Variants in GNL3L observed in about 807,000 individuals in gnomAD.
GNL3L encodes G protein nucleolar 3 like, also known as guanine nucleotide-binding protein-like 3-like protein.
Under a neutral mutation model 42.9 loss-of-function variants are expected in GNL3L, and 4 were observed. That is an observed-to-expected ratio of 0.09 (90% CI 0.05 to 0.21). The LOEUF (loss-of-function observed/expected upper bound fraction) is 0.21, where lower values mean the gene tolerates loss of function less well. Among genes scored for constraint, GNL3L ranks in the 10% least tolerant of loss-of-function variants. The pLI, the probability that GNL3L is intolerant of heterozygous loss-of-function variation, is 1.00. For missense variants in GNL3L, 412 were observed against 481.7 expected (o/e 0.86, Z 1.36); for synonymous variants, 159 against 176.3 (o/e 0.90, Z 0.78).
intron 16 of GNL3L, among the ~76,000 whole-genome samples, chrX:54,583,189 T>A (rs1186611248): frequency 2.7e-5 from 3 of 110,937 alleles, no homozygotes; most frequent in East Asian, 2.8e-4. Flanking sequence ...TATTTATTTA[T>A]TTTATTTATT....
At chrX:54,589,962 CAG>C (rs1303263222) in intron 16 of GNL3L, among the ~76,000 whole-genome samples, 2 of 108,676 alleles carry the variant, frequency 1.8e-5, no homozygotes, top group African/African-American at 6.7e-5. Flanking sequence ...TTTTTTGAGA[CAG>C]AGTCTTGCTC....
chrX:54,588,807 T>A (rs1016237188), intron 16 of GNL3L, among the ~76,000 whole-genome samples: 1 of 111,187 alleles, frequency 9.0e-6, no homozygotes, highest in Non-Finnish European at 1.9e-5. Flanking sequence ...AAATAAAAAA[T>A]AAAAAAAAGT....
chrX:54,583,459 G>T (rs1925742922), intron 16 of GNL3L, among the ~76,000 whole-genome samples: 1 of 110,988 alleles, frequency 9.0e-6, no homozygotes, highest in African/African-American at 3.3e-5. Context: ...CTCCTAAAGT[G>T]CTGGGATTAC....
At chrX:54,607,012 CTT>C (rs10588018) in intron 16 of GNL3L, among the ~76,000 whole-genome samples, 1,048 of 37,258 alleles carry the variant, frequency 0.028, 33 homozygotes, top group African/African-American at 0.15. Context: ...TTCTTTCTTT[CTT>C]TCTTTCTTTC....
intron 16 of GNL3L, among the ~76,000 whole-genome samples, chrX:54,600,246 G>C: frequency 2.8e-5 from 1 of 35,911 alleles, no homozygotes; most frequent in Admixed American, 4.2e-4. Context: ...TTTTTTTTAA[G>C]ACGGAGTTTT....
At chrX:54,580,241 A>G (rs1317043863) in intron 16 of GNL3L, among the ~76,000 whole-genome samples, 2 of 98,312 alleles carry the variant, frequency 2.0e-5, no homozygotes, top group African/African-American at 3.8e-5. Context: ...GAGTGAGAAC[A>G]TGCGGTGTTT....
chrX:54,598,991 A>T (rs1925970363), intron 16 of GNL3L, among the ~76,000 whole-genome samples: 1 of 112,065 alleles, frequency 8.9e-6, no homozygotes, highest in African/African-American at 3.2e-5. Flanking sequence ...AATGATAGGC[A>T]CCAAACCAGA....
Position 54,536,346 on chromosome X carries a change from G to A in GNL3L, c.20-2694G>A, listed in dbSNP as rs747067850. ...CCCGCCTTGGCCTCCCAAAGTGCAG[G>A]GATTATAGCTGTGAGCCATCGCTCC... On this transcript the variant is annotated intron_variant, in intron 2 of 15. Coordinates refer to ENST00000360845, the MANE Select transcript of GNL3L (RefSeq NM_001184819.2). 7.2e-5 allele frequency among the ~76,000 whole-genome samples: 8 copies of A among 110,544 alleles called. No homozygotes were observed. In the South Asian group the frequency reaches 1.9e-3, roughly 26 times the overall value.
At position 54,544,342 on chromosome X, in the gene GNL3L, G is replaced by C. The variant is rs375063176; in HGVS notation, c.630+16G>C. On this transcript the variant is annotated intron_variant, in intron 8 of 15. Transcript: ENST00000360845. The stretch of plus-strand genomic sequence containing the variant: ...CAAAAACCTGGTAAGCCTGGGGCTA[G>C]GGTCATCTAGCCGCTTTCAGGGTAG... 110 of 928,995 alleles carry C rather than the reference G, an allele frequency of 1.2e-4. No homozygotes were observed. The highest frequency in any genetic ancestry group is 1.7e-4 in the Non-Finnish European group (109 of 644,078). The allele number at this position is 928,995 out of a possible 1,213,427, so 76.6% of individuals were successfully genotyped here.
chrX:54,607,010 T>TTC (rs1491045527), intron 16 of GNL3L, among the ~76,000 whole-genome samples: 88 of 31,066 alleles, frequency 2.8e-3, no homozygotes, highest in East Asian at 0.023. Flanking sequence ...CTTTCTTTCT[T>TTC]TCTTTCTTTC....
intron 2 of GNL3L, among the ~76,000 whole-genome samples, chrX:54,534,240 T>C (rs1924355262): frequency 9.2e-6 from 1 of 108,132 alleles, no homozygotes; most frequent in Non-Finnish European, 1.9e-5. Context: ...CTGGTGAGTC[T>C]GGAGGGCTAC....
the GNL3L span, among the ~76,000 whole-genome samples, chrX:54,636,588 A>C: frequency 9.1e-6 from 1 of 109,497 alleles, no homozygotes; most frequent in Admixed American, 9.8e-5. Context: ...ATGTGTACTC[A>C]ATGTTTAGCT....
At chrX:54,596,001 A>G (rs771762102) in intron 16 of GNL3L, among the ~76,000 whole-genome samples, 5 of 112,088 alleles carry the variant, frequency 4.5e-5, no homozygotes, top group Non-Finnish European at 9.4e-5. Context: ...GAGGGGTCTG[A>G]TATCCAGCAT....
intron 2 of GNL3L, among the ~76,000 whole-genome samples, chrX:54,536,755 A>C (rs1435423867): frequency 1.1e-5 from 1 of 93,454 alleles, no homozygotes; most frequent in Admixed American, 1.2e-4. Flanking sequence ...ACTGCACTCC[A>C]GCCTGGGCAA....
In GNL3L at chrX:54,563,581, C is replaced by G. The variant is rs760440039; in HGVS notation, c.*2979C>G. Reference sequence around the variant, plus strand: ...GGCGGATCACTTGAGGTCAGGAGTTCAAGACCAGCCTAAACAATATGGCGA... The same window carrying G: ...GGCGGATCACTTGAGGTCAGGAGTTGAAGACCAGCCTAAACAATATGGCGA... On this transcript the variant is annotated 3_prime_UTR_variant, in exon 16 of 16. Coordinates refer to ENST00000360845, the MANE Select transcript of GNL3L (RefSeq NM_001184819.2). 7.8e-4 allele frequency among the ~76,000 whole-genome samples: 86 copies of G among 110,945 alleles called. No homozygotes were observed. Among genetic ancestry groups the G allele is most frequent in the Admixed American group, 3.5e-3 (36 of 10,328 alleles).
chrX:54,568,714 C>T (rs1164438039), downstream of GNL3L, among the ~76,000 whole-genome samples: 13 of 111,206 alleles, frequency 1.2e-4, no homozygotes, highest in Admixed American at 6.7e-4. Flanking sequence ...CCACCATGCC[C>T]GGCTAATGTT....
At position 54,564,514 on chromosome X, in the gene GNL3L, T is replaced by A. The variant is rs1489242812; in HGVS notation, c.*3912T>A. Among the ~76,000 whole-genome samples the A allele has an allele frequency of 9.6e-6, 1 of 104,279 alleles. No homozygotes were observed. The highest frequency in any genetic ancestry group is 2.0e-5 in the Non-Finnish European group (1 of 51,244). The allele number at this position is 104,279 out of a possible 115,157, so 90.6% of individuals were successfully genotyped here. On this transcript the variant is annotated 3_prime_UTR_variant, in exon 16 of 16. Coordinates refer to ENST00000360845, the MANE Select transcript of GNL3L (RefSeq NM_001184819.2). ...CCTCCGCCTCCAGGGTTCAAGCGGT[T>A]CTCCTGCCTCAGCCTCCCGAGTAGC... is the stretch of plus-strand genomic sequence containing the variant.
rs896220308 is a variant in GNL3L at position 54,544,043 on chromosome X, G to A, written c.527-180G>A. ...CCTTCAGGGAGGGCTAACGCATCCCGTAGACCAGACTATCCTTTCTAACTC... is the reference window on the plus strand; with the variant it reads ...CCTTCAGGGAGGGCTAACGCATCCCATAGACCAGACTATCCTTTCTAACTC... On this transcript the variant is annotated intron_variant, in intron 7 of 15. Transcript: ENST00000360845. 9.8e-4 allele frequency: 392 copies of A among 400,360 alleles called. 6 individuals are homozygous for A. Among genetic ancestry groups the A allele is most frequent in the Non-Finnish European group, 2.4e-4 (54 of 226,598 alleles). 33.0% of individuals were successfully genotyped at this position (400,360 alleles called of 1,213,427 possible).
intron 16 of GNL3L, among the ~76,000 whole-genome samples, chrX:54,612,315 G>GA (rs1926171384): frequency 9.0e-6 from 1 of 111,477 alleles, no homozygotes; most frequent in Admixed American, 9.5e-5. Context: ...GTCCTTATGT[G>GA]TTAGGTGAGT....
Sources: gnomAD v4.1 joint callset for allele counts (sites outside exome capture counted in the v4.1 genomes callset) on GRCh38, gnomAD v4.1.1 for gene constraint, MANE v1.5 for transcripts, NCBI Gene and HGNC (gene_info 2026-07-23, HGNC 2026-07-21) for gene names.